SNX25: variants seen among roughly 807,000 people sequenced by gnomAD.
SNX25 encodes sorting nexin 25, also known as sorting nexin-25.
In SNX25, 62 loss-of-function variants were observed where a neutral mutation model predicts 113.7. That is an observed-to-expected ratio of 0.55 (90% CI 0.44 to 0.67). SNX25 has a LOEUF of 0.67. Among genes scored for constraint, SNX25 ranks in the 30% least tolerant of loss-of-function variants. SNX25 has a pLI of 0.00. For synonymous variants in SNX25, 421 were observed against 436.2 expected (o/e 0.97, Z 0.43); for missense variants, 1,014 against 1,161.0 (o/e 0.87, Z 1.84).
chr4:185,220,657 T>G (rs544091301), intron 1 of SNX25, among the ~76,000 whole-genome samples: 3 of 152,008 alleles, frequency 2.0e-5, no homozygotes, highest in African/African-American at 7.2e-5. Flanking sequence ...AATTTTTGTA[T>G]TTTTAGTAGA....
At chr4:185,238,444 G>A (rs1238830837) in intron 1 of SNX25, among the ~76,000 whole-genome samples, 1 of 152,114 alleles carries the variant, frequency 6.6e-6, no homozygotes, top group African/African-American at 2.4e-5. Context: ...TCCTTCTGAG[G>A]AGGGATATGC....
intron 1 of SNX25, among the ~76,000 whole-genome samples, chr4:185,235,407 T>C (rs1047980736): frequency 2.0e-5 from 3 of 152,212 alleles, no homozygotes; most frequent in Non-Finnish European, 4.4e-5. Context: ...CAGTTCTTCT[T>C]CTGGAGGTGC....
the SNX25 span, chr4:185,376,856 G>T: frequency 6.1e-6 from 8 of 1,308,890 alleles, no homozygotes; most frequent in Non-Finnish European, 6.6e-6. Context: ...TTTTGTCTGA[G>T]GATCTAACAA....
chr4:185,374,550 C>A, downstream of SNX25: 1 of 1,354,602 alleles, frequency 7.4e-7, no homozygotes, highest in Non-Finnish European at 1.0e-6. Context: ...GAAGTGTCCG[C>A]CCTCTGACAC....
intron 1 of SNX25, among the ~76,000 whole-genome samples, chr4:185,245,818 T>C (rs1424237567): frequency 6.6e-6 from 1 of 152,240 alleles, no homozygotes. Context: ...TAAAGCATTC[T>C]TTTTAATGGT....
chr4:185,256,687 G>A (rs1036446830), intron 2 of SNX25, among the ~76,000 whole-genome samples: 2 of 146,028 alleles, frequency 1.4e-5, no homozygotes, highest in African/African-American at 5.1e-5. Context: ...ATGCAGTGGC[G>A]CTGTCTTGAC....
At chr4:185,247,159 T>G (rs1744974595) in intron 1 of SNX25, 135 bp from the exon 2 acceptor site, 1 of 608,168 alleles carries the variant, frequency 1.6e-6, no homozygotes. Flanking sequence ...TATTTACTTT[T>G]GTGGAAAAAC....
chr4:185,282,920 T>C (rs1199509822), intron 5 of SNX25, among the ~76,000 whole-genome samples: 1 of 152,172 alleles, frequency 6.6e-6, no homozygotes, highest in Non-Finnish European at 1.5e-5. Flanking sequence ...TGGAAGCCCG[T>C]GTCCCCGTGT....
chr4:185,215,268 A>G (rs994121121), intron 1 of SNX25, among the ~76,000 whole-genome samples: 2 of 152,160 alleles, frequency 1.3e-5, no homozygotes, highest in African/African-American at 4.8e-5. Flanking sequence ...CTGTAAGCAC[A>G]TGGCACTGTT....
Position 185,232,500 on chromosome 4 carries a change from G to C in SNX25, c.430-14794G>C, listed in dbSNP as rs547170337. On this transcript the variant is annotated intron_variant, in intron 1 of 18. Transcript: ENST00000652585. This position sits in a 1 kb window ranked among gnomAD's most constrained non-coding sequence, Gnocchi z 4.4. ...GTGCAGTTTGTCATGTCCACAGGCC[G>C]GATACCAGTACTTAGATTTATCATG... Among the ~76,000 whole-genome samples, 1 of 151,992 alleles carries C rather than the reference G, an allele frequency of 6.6e-6. No homozygotes were observed. Among genetic ancestry groups the C allele is most frequent in the South Asian group, 2.1e-4 (1 of 4,822 alleles).
At chr4:185,209,404 G>A (rs1737365305), upstream of SNX25, 1 of 152,308 alleles carries the variant, frequency 6.6e-6, no homozygotes, top group Non-Finnish European at 1.5e-5. This position sits in a 1 kb window ranked among gnomAD's most constrained non-coding sequence, Gnocchi z 5.2. Context: ...AGAGGAGGAG[G>A]GGAGCGTGGG....
intron 6 of SNX25, among the ~76,000 whole-genome samples, chr4:185,290,386 G>A (rs774551959): frequency 1.4e-4 from 22 of 152,162 alleles, no homozygotes; most frequent in Non-Finnish European, 2.8e-4. Flanking sequence ...TAAGCACTGA[G>A]GAAAAGACAA....
chr4:185,308,527 T>A (rs1022952060), intron 6 of SNX25, among the ~76,000 whole-genome samples: 11 of 152,180 alleles, frequency 7.2e-5, no homozygotes, highest in African/African-American at 2.2e-4. Flanking sequence ...CCTCTTTCTT[T>A]CTTCCTCAGC....
chr4:185,238,062 CA>C (rs10635995), intron 1 of SNX25, among the ~76,000 whole-genome samples: 13,296 of 87,374 alleles, frequency 0.15, 505 homozygotes, highest in African/African-American at 0.2. Flanking sequence ...GACTCCATCT[CA>C]AAAAAAAAAA....
In SNX25 at chr4:185,241,542, G is replaced by C. The variant is rs1251459838; in HGVS notation, c.430-5752G>C. 6.2e-5 allele frequency among the ~76,000 whole-genome samples: 9 copies of C among 144,314 alleles called. 2 individuals carry two copies. In the East Asian group the frequency reaches 1.9e-3, roughly 30 times the overall value. The allele number at this position is 144,314 out of a possible 152,430, so 94.7% of individuals were successfully genotyped here. A position where few individuals can be genotyped will look rare whatever the true frequency, so the allele number is the denominator to read the frequency against. On this transcript the variant is annotated intron_variant, in intron 1 of 18. Coordinates refer to ENST00000652585, the MANE Select transcript of SNX25 (RefSeq NM_001378034.2). ...AGAGGGAGAGGAGGGAGAGGGAGAGGAGGGAGAGGGAGAGGAGGGAGAGGG... is the reference window on the plus strand; with the variant it reads ...AGAGGGAGAGGAGGGAGAGGGAGAGCAGGGAGAGGGAGAGGAGGGAGAGGG...
chr4:185,264,348 G>A (rs946273378), intron 3 of SNX25, 90 bp from the exon 4 acceptor site: 1 of 1,241,312 alleles, frequency 8.1e-7, no homozygotes, highest in African/African-American at 1.5e-5. Flanking sequence ...TAACCAATGT[G>A]TTTCTCATTT....
chr4:185,261,530 T>G (rs1443268516), intron 3 of SNX25, among the ~76,000 whole-genome samples: 2 of 152,192 alleles, frequency 1.3e-5, no homozygotes, highest in Non-Finnish European at 2.9e-5. Flanking sequence ...TGGGTTTAGA[T>G]TTGGGAGAAG....
chr4:185,259,457 AGC>A (rs1746928273), intron 3 of SNX25, among the ~76,000 whole-genome samples: 1 of 152,160 alleles, frequency 6.6e-6, no homozygotes, highest in South Asian at 2.1e-4. Flanking sequence ...TCCTATGTTG[AGC>A]TCTGTTGCAT....
At chr4:185,255,423 C>T (rs543134197) in intron 2 of SNX25, among the ~76,000 whole-genome samples, 1 of 152,238 alleles carries the variant, frequency 6.6e-6, no homozygotes, top group South Asian at 2.1e-4. Flanking sequence ...TGTAAGCCAC[C>T]ACACCCAGCC....
Sources: gnomAD v4.1 joint callset for allele counts (sites outside exome capture counted in the v4.1 genomes callset) on GRCh38, gnomAD v4.1.1 for gene constraint, Gnocchi (gnomAD v3.1) non-coding constraint, MANE v1.5 for transcripts, NCBI Gene and HGNC (gene_info 2026-07-23, HGNC 2026-07-21) for gene names.